SMYD3: variants seen among roughly 807,000 people sequenced by gnomAD.
SMYD3 encodes the protein histone-lysine N-methyltransferase SMYD3.
SMYD3 carries 36 observed loss-of-function variants against 57.7 expected under a neutral mutation model. That is an observed-to-expected ratio of 0.62 (90% CI 0.48 to 0.82). The LOEUF (loss-of-function observed/expected upper bound fraction) is 0.82, where lower values mean the gene tolerates loss of function less well. Ranked by LOEUF, SMYD3 falls within the 40% of genes least tolerant of loss-of-function variation. The probability of loss-of-function intolerance (pLI) is 0.00; values close to 1 mark genes in which losing one functional copy is unlikely to be tolerated. For synonymous variants in SMYD3, 211 were observed against 195.0 expected (o/e 1.08, Z -0.68); for missense variants, 515 against 538.8 (o/e 0.96, Z 0.44).
At chr1:246,037,968 A>G (rs1168192742) in intron 5 of SMYD3, among the ~76,000 whole-genome samples, 1 of 152,176 alleles carries the variant, frequency 6.6e-6, no homozygotes, top group Non-Finnish European at 1.5e-5. Context: ...GCAGCTATTC[A>G]ATTCTGCCAC....
intron 3 of SMYD3, 64 bp from the exon 4 acceptor site, chr1:246,330,601 GT>G: frequency 7.2e-7 from 1 of 1,383,244 alleles, no homozygotes; most frequent in Non-Finnish European, 9.9e-7. Flanking sequence ...AAACAAATAA[GT>G]TTGAGTACCT....
At chr1:246,003,846 AATATAATACAGTCGTG>A (rs1288168639) in intron 5 of SMYD3, among the ~76,000 whole-genome samples, 1 of 152,236 alleles carries the variant, frequency 6.6e-6, no homozygotes, top group Non-Finnish European at 1.5e-5. Flanking sequence ...TTAAGAACAA[AATATAATACAGTCGTG>A]TAAATCTAAG....
At chr1:246,459,706 C>T (rs1334445023) in intron 1 of SMYD3, among the ~76,000 whole-genome samples, 1 of 152,156 alleles carries the variant, frequency 6.6e-6, no homozygotes, top group Non-Finnish European at 1.5e-5. Flanking sequence ...CAGACTAATA[C>T]AGGTATCTTA....
chr1:245,893,753 A>G lies in SMYD3; in HGVS notation c.813+21777T>C, dbSNP rs556235433. The stretch of plus-strand genomic sequence containing the variant: ...AGTGGTGGTGATAGAACGCTTCTCT[A>G]TCTTGATGGTGGTGGTGGTGGTTGT... On this transcript the variant is annotated intron_variant, in intron 8 of 11. Coordinates refer to ENST00000490107, the MANE Select transcript of SMYD3 (RefSeq NM_001167740.2). Among the ~76,000 whole-genome samples the G allele has an allele frequency of 6.0e-3, 217 of 36,026 alleles. 1 individual carries two copies. The highest frequency in any genetic ancestry group is 0.011 in the Admixed American group (30 of 2,708). 23.6% of individuals were successfully genotyped at this position (36,026 alleles called of 152,430 possible). A position where few individuals can be genotyped will look rare whatever the true frequency, so the allele number is the denominator to read the frequency against.
At chr1:246,254,491 CTA>C (rs2063847925) in intron 5 of SMYD3, among the ~76,000 whole-genome samples, 1 of 152,134 alleles carries the variant, frequency 6.6e-6, no homozygotes, top group African/African-American at 2.4e-5. Context: ...TTCCACTGGT[CTA>C]TGTGTCTGTT....
chr1:245,866,654 C>T (rs12037986), intron 8 of SMYD3, among the ~76,000 whole-genome samples: 87,447 of 151,948 alleles, frequency 0.58, 27,658 homozygotes, highest in Non-Finnish European at 0.73. Context: ...ATGGCTTGAA[C>T]GTGGGAGGCA....
chr1:246,303,460 T>C (rs1179740212), intron 5 of SMYD3, among the ~76,000 whole-genome samples: 1 of 152,206 alleles, frequency 6.6e-6, no homozygotes, highest in Non-Finnish European at 1.5e-5. Flanking sequence ...CCTGTACCTA[T>C]CCTCCTGTAT....
chr1:245,995,359 C>T (rs2058905996), intron 5 of SMYD3, among the ~76,000 whole-genome samples: 1 of 152,186 alleles, frequency 6.6e-6, no homozygotes, highest in Non-Finnish European at 1.5e-5. Context: ...ACGACGTCCA[C>T]CCATATGACA....
intron 10 of SMYD3, among the ~76,000 whole-genome samples, chr1:245,824,293 G>T (rs568542502): frequency 1.3e-5 from 2 of 152,356 alleles, no homozygotes; most frequent in East Asian, 1.9e-4. Flanking sequence ...TTGTAGCTAA[G>T]TATCTTTTCC....
chr1:245,949,363 G>A (rs979091283), intron 5 of SMYD3, among the ~76,000 whole-genome samples: 2 of 152,274 alleles, frequency 1.3e-5, no homozygotes, highest in African/African-American at 2.4e-5. Flanking sequence ...CCTGTCCCCA[G>A]CAAAATTTCA....
chr1:246,226,466 C>T (rs2063332031), intron 5 of SMYD3, among the ~76,000 whole-genome samples: 1 of 152,154 alleles, frequency 6.6e-6, no homozygotes, highest in African/African-American at 2.4e-5. Flanking sequence ...TTATAAATTA[C>T]AGAAAATAAA....
intron 3 of SMYD3, among the ~76,000 whole-genome samples, chr1:246,333,267 G>T (rs928361027): frequency 6.6e-6 from 1 of 152,180 alleles, no homozygotes; most frequent in Admixed American, 6.5e-5. Flanking sequence ...GGAAGTAAGT[G>T]TAGATGTGAT....
chr1:246,507,161 G>A lies in SMYD3; in HGVS notation c.57C>T (p.Arg19=). The A allele has an allele frequency of 6.5e-7, 1 of 1,532,184 alleles. No homozygotes were observed. Among genetic ancestry groups the A allele is most frequent in the Non-Finnish European group, 8.8e-7 (1 of 1,139,658 alleles). 94.9% of individuals were successfully genotyped at this position (1,532,184 alleles called of 1,614,324 possible). A position where few individuals can be genotyped will look rare whatever the true frequency, so the allele number is the denominator to read the frequency against. ...CTCCGGGGCGCAGCGGGGTCACGGC[G>A]CGCAGCCCGTTTCCCCTCTTGGCGG... is the stretch of plus-strand genomic sequence containing the variant. The part of the protein sequence containing the change: ...FATAKRGNGL[R]AVTPLRPGEL... The change falls in exon 1 of 12, where the codon CGC becomes CGT. Residue 19 remains arginine, a synonymous_variant. Transcript: ENST00000490107.
Position 245,980,376 on chromosome 1 carries a change from G to A in SMYD3, c.532-50439C>T, listed in dbSNP as rs560752984. ...TGTGATGTGAGATCCCTGAGGGCAG[G>A]ACCCAAGTCCTACATCAACCCTAGA... On this transcript the variant is annotated intron_variant, in intron 5 of 11. Transcript: ENST00000490107. Among the ~76,000 whole-genome samples the A allele has an allele frequency of 5.9e-4, 90 of 152,314 alleles. 1 individual carries two copies. Among genetic ancestry groups the A allele is most frequent in the African/African-American group, 2.1e-3 (89 of 41,570 alleles).
At chr1:245,778,473 T>C (rs532975393) in intron 10 of SMYD3, among the ~76,000 whole-genome samples, 2 of 152,250 alleles carry the variant, frequency 1.3e-5, no homozygotes, top group African/African-American at 4.8e-5. Context: ...CTACCTTTTC[T>C]ATTATATCCA....
intron 1 of SMYD3, among the ~76,000 whole-genome samples, chr1:246,360,429 T>G (rs1287849536): frequency 1.3e-5 from 2 of 152,002 alleles, no homozygotes; most frequent in Non-Finnish European, 2.9e-5. Flanking sequence ...ACCACTATCA[T>G]TCTTCACAAA....
chr1:246,046,390 C>T (rs993432037), intron 5 of SMYD3, among the ~76,000 whole-genome samples: 2 of 151,990 alleles, frequency 1.3e-5, no homozygotes, highest in African/African-American at 4.8e-5. Flanking sequence ...AAATCAAACA[C>T]AGCATGTTCT....
At chr1:245,947,569 G>A (rs1032129691) in intron 5 of SMYD3, among the ~76,000 whole-genome samples, 2 of 152,140 alleles carry the variant, frequency 1.3e-5, no homozygotes, top group African/African-American at 4.8e-5. Flanking sequence ...ATTTTATTAG[G>A]AAGAGCCCAG....
At chr1:246,365,970 C>A (rs1429124745) in intron 1 of SMYD3, among the ~76,000 whole-genome samples, 5 of 152,182 alleles carry the variant, frequency 3.3e-5, no homozygotes, top group Admixed American at 1.3e-4. Context: ...GATTTTCTCA[C>A]TTCCCTCTCT....
Sources: gnomAD v4.1 joint callset for allele counts (sites outside exome capture counted in the v4.1 genomes callset) on GRCh38, gnomAD v4.1.1 for gene constraint, MANE v1.5 for transcripts, NCBI Gene and HGNC (gene_info 2026-07-23, HGNC 2026-07-21) for gene names.